AHNAK2: variants seen among roughly 807,000 people sequenced by gnomAD.
The protein encoded by AHNAK2 is AHNAK nucleoprotein 2.
In AHNAK2, 18 loss-of-function variants were observed where a neutral mutation model predicts 30.7. That is an observed-to-expected ratio of 0.59 (90% confidence interval 0.41 to 0.87). The LOEUF (loss-of-function observed/expected upper bound fraction) is 0.87. Among genes scored for constraint, AHNAK2 ranks in the 40% least tolerant of loss-of-function variants. The probability of loss-of-function intolerance (pLI) is 0.00; values close to 1 mark genes in which losing one functional copy is unlikely to be tolerated. For synonymous variants in AHNAK2, 3,590 were observed against 3,073.8 expected (o/e 1.17, Z -5.56); for missense variants, 8,604 against 7,373.0 (o/e 1.17, Z -6.11).
chr14:104,939,814 G>C lies in AHNAK2; in HGVS notation c.15637C>G (p.Leu5213Val). ...GGTGCCTGTGTCTGAGCCACTTCCAGCTTTCCAGCCCCGCCTCTGTCCCTG... is the reference window on the plus strand; with the variant it reads ...GGTGCCTGTGTCTGAGCCACTTCCACCTTTCCAGCCCCGCCTCTGTCCCTG... ...SFRDRGGAGK[L>V]EVAQTQAPAA... Residue 5213 changes from leucine (L) to valine (V), a missense_variant, in exon 7 of 7, where the codon CTG (leucine) becomes GTG (valine). Coordinates refer to ENST00000333244, the MANE Select transcript of AHNAK2 (RefSeq NM_138420.4). The C allele has an allele frequency of 1.2e-6, 2 of 1,613,614 alleles. No individual in the cohort carries two copies. The highest frequency in any genetic ancestry group is 1.7e-6 in the Non-Finnish European group (2 of 1,179,890).
rs1333295602 is a variant in AHNAK2, at chr14:104,953,977, G to T, written c.1474C>A (p.Pro492Thr). 6.2e-7 allele frequency: 1 copy of T among 1,613,886 alleles called. No homozygotes were observed. The highest frequency in any genetic ancestry group is 8.5e-7 in the Non-Finnish European group (1 of 1,179,888). The change falls in exon 7 of 7, where the codon CCA (proline) becomes ACA (threonine). Residue 492 changes from proline to threonine, a missense_variant. Coordinates refer to ENST00000333244, the MANE Select transcript of AHNAK2 (RefSeq NM_138420.4). ...TTTTCTGTGGAAAATGCAAATTTTG[G>T]TGTCTTTAAATCGTGTACTCGCACC... ...IRVRVHDLKT[P>T]KFAFSTEKEP...
Position 104,955,509 on chromosome 14 carries a change from G to T in AHNAK2, c.440C>A (p.Ala147Asp). Reference sequence around the variant, plus strand: ...TTCTCTCAAGTTAAAAAGCTTGGCGGCTGAGGAGTCCTTCAGCACTTGCTT... The same window carrying T: ...TTCTCTCAAGTTAAAAAGCTTGGCGTCTGAGGAGTCCTTCAGCACTTGCTT... ...FVKQVLKDSS[A>D]AKLFNLREGD... The change falls in exon 5 of 7, where the codon GCC (alanine) becomes GAC (aspartate). Residue 147 changes from alanine (A) to aspartate (D), a missense_variant. Coordinates refer to ENST00000333244, the MANE Select transcript of AHNAK2 (RefSeq NM_138420.4). 1 of 1,613,448 alleles carries T rather than the reference G, an allele frequency of 6.2e-7. No individual in the cohort carries two copies. Among genetic ancestry groups the T allele is most frequent in the Non-Finnish European group, 8.5e-7 (1 of 1,179,732 alleles).
chr14:104,952,938 A>G lies in AHNAK2; in HGVS notation c.2513T>C (p.Phe838Ser), dbSNP rs749025500. The G allele has an allele frequency of 6.2e-7, 1 of 1,610,370 alleles. No homozygotes were observed. The highest frequency in any genetic ancestry group is 1.1e-5 in the South Asian group (1 of 90,914). ...CGACACCCCGAATGATGGCATCTTG[A>G]ACTTGGGCATTTTGAACTTGCTGTC... The part of the protein sequence containing the change: ...AKDSKFKMPK[F>S]KMPSFGVSAP... Residue 838 changes from phenylalanine to serine, a missense_variant, in exon 7 of 7, where the codon TTC becomes TCC. Phe to Ser is a radical substitution (Grantham distance 155). Transcript: ENST00000333244.
rs1382525189 is a variant in AHNAK2, at chr14:104,944,515, G to C, written c.10936C>G (p.Pro3646Ala). The C allele has an allele frequency of 1.2e-6, 2 of 1,612,946 alleles. No individual in the cohort carries two copies. The highest frequency in any genetic ancestry group is 2.2e-5 in the South Asian group (2 of 91,014). ...SKFKMPKFKMPSFRVSAPGKS... is the reference protein window; with the variant it reads ...SKFKMPKFKMASFRVSAPGKS... ...CCTGGGGCCGATACCCTGAATGACG[G>C]CATCTTGAATTTGGGCATTTTGAAC... The change falls in exon 7 of 7, where the codon CCG becomes GCG. Residue 3646 changes from proline (P) to alanine (A), a missense_variant. By Grantham distance (27) the Pro-to-Ala change is conservative (BLOSUM62 -1). Coordinates refer to ENST00000333244, the MANE Select transcript of AHNAK2 (RefSeq NM_138420.4).
rs754768107 is a variant in AHNAK2 at position 104,939,895 on chromosome 14, G to C, written c.15556C>G (p.Gln5186Glu). 2 of 1,613,426 alleles carry C rather than the reference G, an allele frequency of 1.2e-6. No individual in the cohort carries two copies. The highest frequency in any genetic ancestry group is 2.2e-5 in the South Asian group (2 of 91,084). Reference sequence around the variant, plus strand: ...TTGGGCATTTTAAACCAGCTTTCCTGCGAGTACTTGGTCATGGCTTCCTCC... The same window carrying C: ...TTGGGCATTTTAAACCAGCTTTCCTCCGAGTACTTGGTCATGGCTTCCTCC... The part of the protein sequence containing the change: ...PEEEAMTKYS[Q>E]ESWFKMPKFR... Residue 5186 changes from glutamine (Q) to glutamate (E), a missense_variant, in exon 7 of 7, where the codon CAG becomes GAG. Coordinates refer to ENST00000333244, the MANE Select transcript of AHNAK2 (RefSeq NM_138420.4).
Position 104,950,336 on chromosome 14 carries a change from G to A in AHNAK2, c.5115C>T (p.Asp1705=), listed in dbSNP as rs1341411930. 4.4e-6 allele frequency: 7 copies of A among 1,585,344 alleles called. 2 individuals are homozygous for A. Among genetic ancestry groups the A allele is most frequent in the Non-Finnish European group, 6.0e-6 (7 of 1,162,494 alleles). ...CGGCGGAAGGGGACTGAATGCTGAG[G>A]TCAGTGGTCTTCAGGTCCCCCTGCA... ...PSMQGDLKTT[D]LSIQSPSADL... The change falls in exon 7 of 7, where the codon GAC becomes GAT. Residue 1705 remains aspartate (D), a synonymous_variant. Coordinates refer to ENST00000333244, the MANE Select transcript of AHNAK2 (RefSeq NM_138420.4).
chr14:104,975,144 C>T (rs1275164403), intron 1 of AHNAK2, among the ~76,000 whole-genome samples: 7 of 152,228 alleles, frequency 4.6e-5, no homozygotes, highest in African/African-American at 1.4e-4. Flanking sequence ...GTAGGCCCAG[C>T]CACGACGAGC....
rs138792829 is a variant in AHNAK2, at chr14:104,937,945, G to A, written c.*118C>T. On this transcript the variant is annotated 3_prime_UTR_variant, in exon 7 of 7. Coordinates refer to ENST00000333244, the MANE Select transcript of AHNAK2 (RefSeq NM_138420.4). ...TCTGGTCATTTCTGCTCTGTTCTCC[G>A]TTCTGTGAAGTGAGGTGGATGTAAT... The A allele has an allele frequency of 2.2e-4, 244 of 1,113,588 alleles. 1 individual carries two copies. In the African/African-American group the frequency reaches 2.7e-3, roughly 12 times the overall value. The allele number at this position is 1,113,588 out of a possible 1,614,324, so 69.0% of individuals were successfully genotyped here. A position where few individuals can be genotyped will look rare whatever the true frequency, so the allele number is the denominator to read the frequency against.
chr14:104,950,410 C>G lies in AHNAK2; in HGVS notation c.5041G>C (p.Val1681Leu), dbSNP rs201340294. 1.1e-5 allele frequency: 18 copies of G among 1,587,170 alleles called. No homozygotes were observed. Among genetic ancestry groups the G allele is most frequent in the African/African-American group, 8.2e-5 (6 of 72,882 alleles). Residue 1681 changes from valine to leucine, a missense_variant, in exon 7 of 7, where the codon GTG becomes CTG. Transcript: ENST00000333244. ...SAPGKSIEAS[V>L]DVSEPKVEAD... ...TCCACCTTCGGCTCAGACACATCCA[C>G]CGAGGCCTCGATGGACTTGCCTGGG...
chr14:104,974,408 T>A (rs931362162), intron 1 of AHNAK2, among the ~76,000 whole-genome samples: 1 of 152,210 alleles, frequency 6.6e-6, no homozygotes, highest in Non-Finnish European at 1.5e-5. Context: ...CACCTCTCCA[T>A]CCTCACCCCA....
intron 1 of AHNAK2, among the ~76,000 whole-genome samples, chr14:104,971,617 C>A (rs1450059010): frequency 6.6e-6 from 1 of 152,152 alleles, no homozygotes; most frequent in African/African-American, 2.4e-5. Flanking sequence ...CTGAGAAACA[C>A]CTGAGTCCCA....
chr14:104,955,271 C>T (rs1446815300), intron 5 of AHNAK2, 130 bp from the exon 6 acceptor site: 2 of 1,302,126 alleles, frequency 1.5e-6, no homozygotes, highest in Admixed American at 2.4e-5. Flanking sequence ...CCCCACCAGT[C>T]CCCCACTGAG....
Position 104,954,053 on chromosome 14 carries a change from G to T in AHNAK2, c.1398C>A (p.Ser466=). The change falls in exon 7 of 7, where the codon TCC becomes TCA. Residue 466 remains serine (S), a synonymous_variant. Transcript: ENST00000333244. The surrounding 1 kb of genome is among the most constrained non-coding windows in gnomAD (Gnocchi z 4.3). The stretch of plus-strand genomic sequence containing the variant: ...TGCCTCCTTCGGTTGTGTCTCTCAA[G>T]GACAGTCTGGCGATCCCGATTTCCA... The part of the protein sequence containing the change: ...QSLEIGIARL[S]LRDTTEGGTQ... The T allele has an allele frequency of 6.2e-7, 1 of 1,613,524 alleles. No individual in the cohort carries two copies. The highest frequency in any genetic ancestry group is 8.5e-7 in the Non-Finnish European group (1 of 1,179,804).
rs145238396 is a variant in AHNAK2, at chr14:104,937,274, T to C, written c.*789A>G. ...AGCATGGGATGCAGCACTTTCTTTA[T>C]TGCCCATCCAGGGAACAGCCAAGCC... On this transcript the variant is annotated 3_prime_UTR_variant, in exon 7 of 7. Coordinates refer to ENST00000333244, the MANE Select transcript of AHNAK2 (RefSeq NM_138420.4). 3,421 of 152,384 alleles carry C rather than the reference T, an allele frequency of 0.022. 47 individuals are homozygous for C. The highest frequency in any genetic ancestry group is 0.082 in the Middle Eastern group (24 of 294). The allele number at this position is 152,384 out of a possible 1,614,324, so 9.4% of individuals were successfully genotyped here.
Position 104,949,814 on chromosome 14 carries a change from G to T in AHNAK2, c.5637C>A (p.Asp1879Glu), listed in dbSNP as rs529969665. Residue 1879 changes from aspartate to glutamate, a missense_variant, in exon 7 of 7, where the codon GAC (aspartate) becomes GAA (glutamate). Physicochemically the swap from Asp to Glu is conservative, Grantham distance 45. Coordinates refer to ENST00000333244, the MANE Select transcript of AHNAK2 (RefSeq NM_138420.4). ...TDLCIPLPSADLVVQAGQVDM... is the reference protein window; with the variant it reads ...TDLCIPLPSAELVVQAGQVDM... ...CCACTTGGCCAGCCTGGACCACCAG[G>T]TCTGCAGAAGGGAGCGGAATGCAGA... The T allele has an allele frequency of 3.1e-6, 5 of 1,587,438 alleles. 2 individuals carry two copies. The highest frequency in any genetic ancestry group is 3.4e-6 in the Non-Finnish European group (4 of 1,163,142).
At chr14:104,974,552 C>T (rs1899551338) in intron 1 of AHNAK2, among the ~76,000 whole-genome samples, 1 of 152,250 alleles carries the variant, frequency 6.6e-6, no homozygotes, top group Non-Finnish European at 1.5e-5. Flanking sequence ...AGTTGTCCTC[C>T]AGGGAGCCCT....
chr14:104,948,708 T>G lies in AHNAK2; in HGVS notation c.6743A>C (p.Lys2248Thr), dbSNP rs945106056. The change falls in exon 7 of 7, where the codon AAA becomes ACA. Residue 2248 changes from lysine to threonine, a missense_variant. Lys to Thr is a moderately conservative substitution (Grantham distance 78). Transcript: ENST00000333244. ...KLQMPSFKVP[K>T]VDLKGPEIDI... Reference sequence around the variant, plus strand: ...TATTTCGGGGCCCTTGAGGTCCACTTTGGGCACCTTGAAACTGGGCATCTG... The same window carrying G: ...TATTTCGGGGCCCTTGAGGTCCACTGTGGGCACCTTGAAACTGGGCATCTG... The G allele has an allele frequency of 6.2e-7, 1 of 1,610,978 alleles. No homozygotes were observed. The highest frequency in any genetic ancestry group is 1.4e-5 in the African/African-American group (1 of 73,474).
chr14:104,946,961 C>G lies in AHNAK2; in HGVS notation c.8490G>C (p.Lys2830Asn), dbSNP rs371890152. ...MPSFGVSAPG[K>N]SIEASVDVSE... is the part of the protein sequence containing the mutation. The stretch of plus-strand genomic sequence containing the variant: ...ACACATCCACCGAGGCCTCGATGGA[C>G]TTGCCTGGGGCCGACACCCCGAATG... The change falls in exon 7 of 7, where the codon AAG becomes AAC. Residue 2830 changes from lysine (K) to asparagine (N), a missense_variant. Physicochemically the swap from Lys to Asn is moderately conservative, Grantham distance 94. Transcript: ENST00000333244. The G allele has an allele frequency of 2.7e-5, 43 of 1,612,806 alleles. No individual in the cohort carries two copies. The African/African-American group carries it at 5.0e-4, about 19-fold the overall frequency.
In AHNAK2 at chr14:104,941,554, G is replaced by C; in HGVS notation, c.13897C>G (p.Leu4633Val). ...GACCATTCAAAACCAGACGTGCTCA[G>C]TTTTGGTCCTTGAAACTTACTGTCT... ...GKDSKFQGPK[L>V]STSGFEWSSK... The change falls in exon 7 of 7, where the codon CTG (leucine) becomes GTG (valine). Residue 4633 changes from leucine to valine, a missense_variant. Leu to Val is a conservative substitution (Grantham distance 32, BLOSUM62 1). Transcript: ENST00000333244. The C allele has an allele frequency of 6.2e-7, 1 of 1,613,154 alleles. No homozygotes were observed. Among genetic ancestry groups the C allele is most frequent in the Non-Finnish European group, 8.5e-7 (1 of 1,179,894 alleles).
Sources: gnomAD v4.1 joint callset for allele counts (sites outside exome capture counted in the v4.1 genomes callset) on GRCh38, gnomAD v4.1.1 for gene constraint, Gnocchi (gnomAD v3.1) non-coding constraint, MANE v1.5 for transcripts, NCBI Gene and HGNC (gene_info 2026-07-23, HGNC 2026-07-21) for gene names.